Variants in CSMD1 observed in about 807,000 individuals in gnomAD.
CSMD1 encodes the protein CUB and Sushi multiple domains 1.
In CSMD1, 213 loss-of-function variants were observed where a neutral mutation model predicts 417.5. That is an observed-to-expected ratio of 0.51 (90% confidence interval 0.46 to 0.57). The LOEUF is 0.57. CSMD1 is among the 20% of genes least tolerant of loss of function. The pLI is 0.00. For synonymous variants in CSMD1, 2,862 were observed against 1,736.8 expected, an observed-to-expected ratio of 1.65 and a Z score of -16.11; for missense variants, 6,923 against 4,529.7, an observed-to-expected ratio of 1.53 and a Z score of -15.17.
chr8:3,181,197 G>C lies in CSMD1; in HGVS notation c.5638C>G (p.Leu1880Val). 1 of 1,613,400 alleles carries C rather than the reference G, an allele frequency of 6.2e-7. No individual in the cohort carries two copies. The highest frequency in any genetic ancestry group is 8.5e-7 in the Non-Finnish European group (1 of 1,179,424). ...AGTTGGTTGGAAGTACTGTTCAGCA[G>C]TGCCGGTACTGTGGTGCCTGTAAGA... Reference protein sequence around the residue: ...GSFSGTTVPALLNSTSNQLYL... With the variant: ...GSFSGTTVPAVLNSTSNQLYL... The change falls in exon 37 of 70, where the codon CTG (leucine) becomes GTG (valine). Residue 1880 changes from leucine to valine, a missense_variant. Coordinates refer to ENST00000635120, the MANE Select transcript of CSMD1 (RefSeq NM_033225.6).
At chr8:4,231,213 T>C (rs988809767) in intron 3 of CSMD1, among the ~76,000 whole-genome samples, 1 of 152,212 alleles carries the variant, frequency 6.6e-6, no homozygotes, top group African/African-American at 2.4e-5. Context: ...ATGAAAGGCA[T>C]TGTCTTATCC....
chr8:3,779,655 G>A (rs1799071387), intron 5 of CSMD1, among the ~76,000 whole-genome samples: 1 of 152,098 alleles, frequency 6.6e-6, no homozygotes. Context: ...TTACATTTAT[G>A]CAATGATATG....
intron 3 of CSMD1, among the ~76,000 whole-genome samples, chr8:4,338,012 T>C (rs1800269528): frequency 6.6e-6 from 1 of 152,130 alleles, no homozygotes; most frequent in East Asian, 1.9e-4. Context: ...AGAGGTGTTC[T>C]GAGTGGAAAT....
At chr8:3,972,406 G>A (rs964940028) in intron 5 of CSMD1, among the ~76,000 whole-genome samples, 25 of 152,108 alleles carry the variant, frequency 1.6e-4, no homozygotes, top group African/African-American at 4.8e-4. Flanking sequence ...ATATTAGAAA[G>A]TCAAGTGATT....
At chr8:3,389,985 T>A (rs1811249233) in intron 17 of CSMD1, among the ~76,000 whole-genome samples, 2 of 152,156 alleles carry the variant, frequency 1.3e-5, no homozygotes, top group South Asian at 4.2e-4. Context: ...AGAATTATGA[T>A]ACTACATTCG....
intron 1 of CSMD1, among the ~76,000 whole-genome samples, chr8:4,941,938 C>G (rs114931196): frequency 1.3e-5 from 2 of 152,132 alleles, no homozygotes; most frequent in South Asian, 4.1e-4. Context: ...GCAAACACAA[C>G]AGTTTTTATC....
At chr8:4,917,450 C>A (rs187981341) in intron 1 of CSMD1, among the ~76,000 whole-genome samples, 3 of 152,008 alleles carry the variant, frequency 2.0e-5, no homozygotes, top group African/African-American at 2.4e-5. Context: ...CTGGCTAACA[C>A]GGTGAAACTC....
intron 42 of CSMD1, 29 bp from the exon 43 acceptor site, chr8:3,110,364 G>T (rs746746253): frequency 1.3e-6 from 2 of 1,555,948 alleles, no homozygotes; most frequent in Non-Finnish European, 1.7e-6. Flanking sequence ...AAAAACAAGC[G>T]CCATACAGCT....
intron 7 of CSMD1, among the ~76,000 whole-genome samples, chr8:3,628,479 T>G (rs759725953): frequency 1.3e-5 from 2 of 152,238 alleles, no homozygotes; most frequent in Admixed American, 6.5e-5. Context: ...CCTTAAGGAT[T>G]ACTTCTTGGA....
At chr8:3,147,493 G>C (rs558800965) in intron 40 of CSMD1, among the ~76,000 whole-genome samples, 1 of 152,152 alleles carries the variant, frequency 6.6e-6, no homozygotes, top group Non-Finnish European at 1.5e-5. Flanking sequence ...GAGCTGCTTC[G>C]GGAAGATGCC....
intron 3 of CSMD1, among the ~76,000 whole-genome samples, chr8:4,261,357 ATCT>A (rs1264410767): frequency 1.3e-5 from 2 of 152,070 alleles, no homozygotes; most frequent in Non-Finnish European, 2.9e-5. Context: ...ATCTAAGAAC[ATCT>A]TCTCAGAAAT....
intron 5 of CSMD1, among the ~76,000 whole-genome samples, chr8:3,974,957 G>C (rs1221807301): frequency 2.0e-5 from 3 of 152,120 alleles, no homozygotes; most frequent in African/African-American, 7.2e-5. Context: ...ACTAACACCT[G>C]TTAAGAATCC....
At chr8:3,181,478 G>A (rs1225228064) in intron 36 of CSMD1, among the ~76,000 whole-genome samples, 2 of 152,064 alleles carry the variant, frequency 1.3e-5, no homozygotes, top group East Asian at 1.9e-4. Context: ...GTAGCATGAG[G>A]TTTTTTTGCA....
At chr8:3,874,521 C>G (rs1359210161) in intron 5 of CSMD1, among the ~76,000 whole-genome samples, 2 of 152,266 alleles carry the variant, frequency 1.3e-5, no homozygotes, top group East Asian at 3.9e-4. Context: ...ATGCTGTCGG[C>G]GTTCATTGAA....
intron 2 of CSMD1, among the ~76,000 whole-genome samples, chr8:4,514,514 A>G (rs1335227864): frequency 2.0e-5 from 3 of 152,184 alleles, no homozygotes; most frequent in Non-Finnish European, 2.9e-5. Flanking sequence ...CGAAGAGGGA[A>G]CATCGTGAGT....
At chr8:3,648,324 G>A (rs1410221061) in intron 7 of CSMD1, among the ~76,000 whole-genome samples, 1 of 152,064 alleles carries the variant, frequency 6.6e-6, no homozygotes, top group African/African-American at 2.4e-5. Context: ...TGAAATAATA[G>A]TTGTTGCTAT....
rs376995728 is a variant in CSMD1, at chr8:3,708,490, C to T, written c.933G>A (p.Val311=). ...TTGACTTCAACTCAATCGCCTTTTT[C>T]ACTGGAAGAAACAAAACCAAGCCAT... The part of the protein sequence containing the change: ...RRKGFNAQFQ[V]KKAIELKSRG... The change falls in exon 7 of 70, where the codon GTG becomes GTA. Residue 311 remains valine (V), a splice_region_variant and synonymous_variant. Transcript: ENST00000635120. 3.1e-6 allele frequency: 5 copies of T among 1,613,858 alleles called. No individual in the cohort carries two copies. In the South Asian group the frequency reaches 5.5e-5, roughly 18 times the overall value.
intron 54 of CSMD1, among the ~76,000 whole-genome samples, chr8:2,986,012 A>G (rs1460055562): frequency 7.7e-6 from 1 of 130,586 alleles, no homozygotes; most frequent in Non-Finnish European, 1.6e-5. Context: ...AAGGGGAGAG[A>G]GGGAGGGAGG....
chr8:4,250,009 A>G (rs996177183), intron 3 of CSMD1, among the ~76,000 whole-genome samples: 1 of 152,134 alleles, frequency 6.6e-6, no homozygotes, highest in Admixed American at 6.6e-5. Flanking sequence ...TGTTTAGGTC[A>G]TAAGGGCTCT....
Sources: gnomAD v4.1 joint callset for allele counts (sites outside exome capture counted in the v4.1 genomes callset) on GRCh38, gnomAD v4.1.1 for gene constraint, MANE v1.5 for transcripts, NCBI Gene and HGNC (gene_info 2026-07-23, HGNC 2026-07-21) for gene names.